ANKRD50: variants seen among roughly 807,000 people sequenced by gnomAD.
ANKRD50 encodes the protein ankyrin repeat domain 50.
Under a neutral mutation model 112.0 loss-of-function variants are expected in ANKRD50, and 40 were observed. The ratio of observed to expected loss-of-function variants is 0.36; its 90% CI spans 0.28 to 0.46. ANKRD50 has a LOEUF of 0.46. Ranked by LOEUF, ANKRD50 falls within the 20% of genes least tolerant of loss-of-function variation. ANKRD50 has a pLI of 1.00. For synonymous variants in ANKRD50, 613 were observed against 619.1 expected, an observed-to-expected ratio of 0.99 and a Z score of 0.15; for missense variants, 1,487 against 1,701.7, an observed-to-expected ratio of 0.87 and a Z score of 2.22.
At chr4:124,692,733 C>A (rs1225886746) in intron 2 of ANKRD50, among the ~76,000 whole-genome samples, 2 of 152,178 alleles carry the variant, frequency 1.3e-5, no homozygotes, top group African/African-American at 4.8e-5. Flanking sequence ...GAAACAGGAC[C>A]TGACCAGACT....
chr4:124,696,835 A>G (rs1384350443), intron 2 of ANKRD50, among the ~76,000 whole-genome samples: 2 of 152,346 alleles, frequency 1.3e-5, no homozygotes, highest in African/African-American at 4.8e-5. Context: ...TTAAATTTCA[A>G]ATATAGCAAA....
At chr4:124,687,612 G>A (rs1363241933) in intron 2 of ANKRD50, among the ~76,000 whole-genome samples, 1 of 152,086 alleles carries the variant, frequency 6.6e-6, no homozygotes, top group African/African-American at 2.4e-5. Context: ...GAAAATATTC[G>A]TAAAGCAAAT....
In ANKRD50 at chr4:124,666,766, T is replaced by A. The variant is rs1430141383; in HGVS notation, c.*752A>T. ...ATGACAAAGTGAATGGAAGATGAAA[T>A]TGTATCCCAGCGGATGAAATAGGAC... On this transcript the variant is annotated 3_prime_UTR_variant, in exon 5 of 5. Coordinates refer to ENST00000504087, the MANE Select transcript of ANKRD50 (RefSeq NM_020337.3). 1.3e-5 allele frequency: 2 copies of A among 152,398 alleles called. No homozygotes were observed. The highest frequency in any genetic ancestry group is 3.9e-4 in the East Asian group (2 of 5,174). The allele number at this position is 152,398 out of a possible 1,614,324, so 9.4% of individuals were successfully genotyped here. A position where few individuals can be genotyped will look rare whatever the true frequency, so the allele number is the denominator to read the frequency against.
chr4:124,671,385 A>G lies in ANKRD50; in HGVS notation c.1892T>C (p.Leu631Pro). 1 of 1,613,876 alleles carries G rather than the reference A, an allele frequency of 6.2e-7. No homozygotes were observed. The highest frequency in any genetic ancestry group is 8.5e-7 in the Non-Finnish European group (1 of 1,179,858). ...GGHTEVVSAL[L>P]YAGVKVDCAD... is the part of the protein sequence containing the mutation. Reference sequence around the variant, plus strand: ...ACAATCCACTTTTACGCCAGCATAAAGTAGTGCAGAAACTACCTCAGTATG... The same window carrying G: ...ACAATCCACTTTTACGCCAGCATAAGGTAGTGCAGAAACTACCTCAGTATG... Residue 631 changes from leucine to proline, a missense_variant, in exon 4 of 5, where the codon CTT (leucine) becomes CCT (proline). Around this residue, in one of 2 missense-constraint regions of ANKRD50, gnomAD observed 1,046 missense variants for 1,269.5 expected, o/e 0.82. Coordinates refer to ENST00000504087, the MANE Select transcript of ANKRD50 (RefSeq NM_020337.3).
At position 124,664,928 on chromosome 4, in the gene ANKRD50, TTA is replaced by T. The variant is rs1730453158; in HGVS notation, c.*2588_*2589del. 6.6e-6 allele frequency: 1 copy of T among 151,924 alleles called. No homozygotes were observed. Among genetic ancestry groups the T allele is most frequent in the Non-Finnish European group, 1.5e-5 (1 of 67,858 alleles). The allele number at this position is 151,924 out of a possible 1,614,324, so 9.4% of individuals were successfully genotyped here. A position where few individuals can be genotyped will look rare whatever the true frequency, so the allele number is the denominator to read the frequency against. On this transcript the variant is annotated 3_prime_UTR_variant, in exon 5 of 5. Coordinates refer to ENST00000504087, the MANE Select transcript of ANKRD50 (RefSeq NM_020337.3). ...TACTGTATTTTTATCACTTTCCTTA[TTA>T]TAAACTCATGATATTTAGGGAATAG...
At chr4:124,700,145 G>C (rs906979711) in intron 2 of ANKRD50, among the ~76,000 whole-genome samples, 1 of 152,168 alleles carries the variant, frequency 6.6e-6, no homozygotes, top group Non-Finnish European at 1.5e-5. Context: ...AGGAGGCAAT[G>C]TTAAAGATGG....
intron 2 of ANKRD50, among the ~76,000 whole-genome samples, chr4:124,694,486 G>A (rs1337337717): frequency 2.0e-5 from 3 of 152,140 alleles, no homozygotes; most frequent in Admixed American, 6.5e-5. Context: ...GAGATTTGCT[G>A]ATGGAAGTAA....
chr4:124,708,699 CACACACACACACACACACACAT>C, intron 2 of ANKRD50, among the ~76,000 whole-genome samples: 1 of 148,004 alleles, frequency 6.8e-6, no homozygotes, highest in Non-Finnish European at 1.5e-5. Flanking sequence ...CATACACACA[CACACACACACACACACACACAT>C]ACACACACAC....
At chr4:124,699,272 T>A (rs970883950) in intron 2 of ANKRD50, among the ~76,000 whole-genome samples, 8 of 146,074 alleles carry the variant, frequency 5.5e-5, no homozygotes, top group Non-Finnish European at 1.1e-4. Flanking sequence ...AAAAAAAAAA[T>A]TGGGTAGGTA....
Position 124,671,673 on chromosome 4 carries a change from C to G in ANKRD50, c.1604G>C (p.Gly535Ala). 6.2e-7 allele frequency: 1 copy of G among 1,613,836 alleles called. No homozygotes were observed. The highest frequency in any genetic ancestry group is 8.5e-7 in the Non-Finnish European group (1 of 1,179,840). Residue 535 changes from glycine (G) to alanine (A), a missense_variant, in exon 4 of 5, where the codon GGA (glycine) becomes GCA (alanine). Physicochemically the swap from Gly to Ala is moderately conservative, Grantham distance 60. Coordinates refer to ENST00000504087, the MANE Select transcript of ANKRD50 (RefSeq NM_020337.3). The part of the protein sequence containing the change: ...EDSIRTLLDN[G>A]ASVNQCDSNG... The stretch of plus-strand genomic sequence containing the variant: ...TGAATCACACTGATTTACTGAAGCT[C>G]CATTATCTAATAATGTCCGAATGGA...
rs184584433 is a variant in ANKRD50 at position 124,678,057 on chromosome 4, C to T, written c.742+619G>A. Reference sequence around the variant, plus strand: ...GACAACCTGATAGAAGGAATAAAGCCGCTTACAGAAAATTATTTTAACAAA... The same window carrying T: ...GACAACCTGATAGAAGGAATAAAGCTGCTTACAGAAAATTATTTTAACAAA... On this transcript the variant is annotated intron_variant, in intron 3 of 4. Transcript: ENST00000504087. 3.0e-3 allele frequency among the ~76,000 whole-genome samples: 449 copies of T among 152,060 alleles called. 1 individual carries two copies. Among genetic ancestry groups the T allele is most frequent in the African/African-American group, 0.01 (422 of 41,524 alleles).
chr4:124,694,063 T>G (rs2110521482), intron 2 of ANKRD50, among the ~76,000 whole-genome samples: 1 of 152,270 alleles, frequency 6.6e-6, no homozygotes, highest in South Asian at 2.1e-4. Flanking sequence ...CCTTCTTTTC[T>G]TAGGAGCAAA....
rs1311739425 is a variant in ANKRD50 at position 124,670,549 on chromosome 4, C to A, written c.2728G>T (p.Gly910Cys). 6.2e-6 allele frequency: 10 copies of A among 1,613,318 alleles called. No individual in the cohort carries two copies. The East Asian group carries it at 2.2e-4, about 36-fold the overall frequency. The part of the protein sequence containing the change: ...LENKSNIDQR[G>C]YDGRNALRVA... ...CGCAGTGCATTTCTTCCATCATAACCTCTTTGATCAATGTTGGATTTGTTT... is the reference window on the plus strand; with the variant it reads ...CGCAGTGCATTTCTTCCATCATAACATCTTTGATCAATGTTGGATTTGTTT... The change falls in exon 4 of 5, where the codon GGT becomes TGT. Residue 910 changes from glycine (G) to cysteine (C), a missense_variant. Gly to Cys is a radical substitution (Grantham distance 159). Transcript: ENST00000504087.
At position 124,670,276 on chromosome 4, in the gene ANKRD50, A is replaced by G. The variant is rs1400936480; in HGVS notation, c.3001T>C (p.Tyr1001His). 5.0e-6 allele frequency: 8 copies of G among 1,613,832 alleles called. No homozygotes were observed. Among genetic ancestry groups the G allele is most frequent in the Middle Eastern group, 1.6e-4 (1 of 6,078 alleles). ...HMEMVQVLIA[Y>H]HADVNAADNE... ...TCTGCAGCATTGACGTCAGCATGGT[A>G]TGCTATCAGGACCTGCACCATTTCC... The change falls in exon 4 of 5, where the codon TAC (tyrosine) becomes CAC (histidine). Residue 1001 changes from tyrosine (Y) to histidine (H), a missense_variant. Transcript: ENST00000504087.
chr4:124,703,687 A>G (rs1725444413), intron 2 of ANKRD50, among the ~76,000 whole-genome samples: 1 of 152,056 alleles, frequency 6.6e-6, no homozygotes, highest in African/African-American at 2.4e-5. Context: ...TTTTTCAAGA[A>G]AAAGCAAAAA....
intron 4 of ANKRD50, among the ~76,000 whole-genome samples, chr4:124,667,755 A>T (rs988104866): frequency 3.3e-5 from 5 of 152,098 alleles, no homozygotes; most frequent in Admixed American, 1.3e-4. Context: ...TTTAAAACAG[A>T]TATCATGAGA....
chr4:124,672,628 T>A (rs1256035143), intron 3 of ANKRD50, 94 bp from the exon 4 acceptor site: 26 of 856,634 alleles, frequency 3.0e-5, no homozygotes, highest in Non-Finnish European at 4.3e-5. Flanking sequence ...AATAAATAAA[T>A]CAATTAATAA....
rs1730445509 is a variant in ANKRD50 at position 124,664,585 on chromosome 4, T to A, written c.*2933A>T. The A allele has an allele frequency of 6.6e-6, 1 of 152,376 alleles. No homozygotes were observed. The allele number at this position is 152,376 out of a possible 1,614,324, so 9.4% of individuals were successfully genotyped here. On this transcript the variant is annotated 3_prime_UTR_variant, in exon 5 of 5. Transcript: ENST00000504087. ...AAATAAAACTTTTACAATGTGAAAT[T>A]CAATGTACATTTTTGGCTATTTACA...
intron 2 of ANKRD50, among the ~76,000 whole-genome samples, chr4:124,695,578 C>A (rs1165518035): frequency 6.6e-6 from 1 of 152,090 alleles, no homozygotes; most frequent in South Asian, 2.1e-4. Flanking sequence ...TGAAATCTCT[C>A]GTAGTATCTT....
Sources: allele counts gnomAD v4.1 joint callset (sites outside exome capture counted in the v4.1 genomes callset), GRCh38; gene constraint gnomAD v4.1.1; regional missense constraint gnomAD v4.1.1; transcripts MANE v1.5; gene names NCBI Gene and HGNC (gene_info 2026-07-23, HGNC 2026-07-21).